EIF4E3: variants seen among roughly 807,000 people sequenced by gnomAD.
EIF4E3 encodes eukaryotic translation initiation factor 4E type 3.
In EIF4E3, 26 loss-of-function variants were observed where a neutral mutation model predicts 31.7. That is an observed-to-expected ratio of 0.82 (90% CI 0.60 to 1.14). EIF4E3 has a LOEUF of 1.14. Ranked by LOEUF, EIF4E3 falls within the 50% of genes most tolerant of loss-of-function variation. EIF4E3 has a pLI of 0.00. For missense variants in EIF4E3, 304 were observed against 270.9 expected (o/e 1.12, Z -0.86); for synonymous variants, 128 against 107.7 (o/e 1.19, Z -1.17).
chr3:71,754,421 C>A, upstream of EIF4E3: 1 of 1,351,552 alleles, frequency 7.4e-7, no homozygotes, highest in Non-Finnish European at 9.6e-7. This position sits in a 1 kb window ranked among gnomAD's most constrained non-coding sequence, Gnocchi z 5.8. Flanking sequence ...ACCTGGCCAT[C>A]GCGCACCACC....
chr3:71,683,723 A>G lies in EIF4E3; in HGVS notation c.*959T>C, dbSNP rs2048952733. On this transcript the variant is annotated 3_prime_UTR_variant, in exon 7 of 7. Transcript: ENST00000425534. ...CTACTGATGATGAGAAATGACACAC[A>G]ATGTGAGCAGGGAAAGGGATCATTT... 6.6e-6 allele frequency: 1 copy of G among 152,206 alleles called. No individual in the cohort carries two copies. The highest frequency in any genetic ancestry group is 6.6e-5 in the Admixed American group (1 of 15,266). The allele number at this position is 152,206 out of a possible 1,614,324, so 9.4% of individuals were successfully genotyped here. A position where few individuals can be genotyped will look rare whatever the true frequency, so the allele number is the denominator to read the frequency against.
At chr3:71,672,129 A>G (rs1034800244), downstream of EIF4E3, among the ~76,000 whole-genome samples, 1 of 152,192 alleles carries the variant, frequency 6.6e-6, no homozygotes, top group East Asian at 1.9e-4. Flanking sequence ...TAACAGGTAC[A>G]TAAATTCCCT....
At chr3:71,690,922 T>C (rs2049055205) in intron 5 of EIF4E3, among the ~76,000 whole-genome samples, 2 of 152,294 alleles carry the variant, frequency 1.3e-5, no homozygotes, top group African/African-American at 2.4e-5. Context: ...TTTATCCACA[T>C]TGATTAAGGT....
At chr3:71,662,158 A>C in the EIF4E3 span, among the ~76,000 whole-genome samples, 1 of 152,172 alleles carries the variant, frequency 6.6e-6, no homozygotes, top group Admixed American at 6.5e-5. Context: ...AAGGAAGGAG[A>C]TTACTTCATA....
chr3:71,741,192 G>GCACACACA (rs1284183116), intron 1 of EIF4E3, among the ~76,000 whole-genome samples: 7 of 125,850 alleles, frequency 5.6e-5, no homozygotes, highest in Admixed American at 1.5e-4. Flanking sequence ...GCACATGCAC[G>GCACACACA]CGCACACACA....
intron 6 of EIF4E3, among the ~76,000 whole-genome samples, chr3:71,686,022 C>T (rs904717559): frequency 3.3e-5 from 5 of 152,104 alleles, no homozygotes; most frequent in African/African-American, 9.7e-5. Flanking sequence ...TGCTCTGTCA[C>T]CCAGGTTGGA....
the EIF4E3 span, among the ~76,000 whole-genome samples, chr3:71,663,543 G>A: frequency 2.0e-5 from 3 of 152,306 alleles, no homozygotes; most frequent in South Asian, 6.2e-4. Context: ...TTTTCCAGGG[G>A]TGAAGATGGT....
chr3:71,725,157 CG>C lies in EIF4E3; in HGVS notation c.176+34del. The C allele has an allele frequency of 1.9e-6, 2 of 1,062,166 alleles. No homozygotes were observed. The highest frequency in any genetic ancestry group is 2.3e-6 in the Non-Finnish European group (2 of 882,434). 65.8% of individuals were successfully genotyped at this position (1,062,166 alleles called of 1,614,324 possible). ...GCGGCGGTGGCGGCAGGACCCGGGT[CG>C]GGGCCGTGCGCGGCGGGCCCCGCGC... On this transcript the variant is annotated intron_variant, in intron 1 of 6. Transcript: ENST00000425534. The surrounding 1 kb of genome is among the most constrained non-coding windows in gnomAD (Gnocchi z 6.1).
At chr3:71,723,958 G>C (rs2049589177) in intron 1 of EIF4E3, among the ~76,000 whole-genome samples, 1 of 151,582 alleles carries the variant, frequency 6.6e-6, no homozygotes, top group African/African-American at 2.4e-5. Flanking sequence ...GAACCCAAAA[G>C]GAAAAAAGAA....
chr3:71,690,196 A>T, intron 5 of EIF4E3, 31 bp from the exon 6 acceptor site: 1 of 1,581,830 alleles, frequency 6.3e-7, no homozygotes, highest in East Asian at 2.3e-5. Context: ...AAAAAAAATG[A>T]GTGATACTTC....
intron 2 of EIF4E3, among the ~76,000 whole-genome samples, chr3:71,701,640 AG>A (rs1412671583): frequency 6.6e-6 from 1 of 152,230 alleles, no homozygotes; most frequent in Non-Finnish European, 1.5e-5. Context: ...AATCAATCCT[AG>A]GGCTCATGAA....
At chr3:71,699,540 G>A (rs2049185596) in intron 3 of EIF4E3, 74 bp downstream of exon 3, 1 of 1,297,342 alleles carries the variant, frequency 7.7e-7, no homozygotes, top group Non-Finnish European at 1.1e-6. Context: ...CACATCTCAG[G>A]TGATATGATC....
At chr3:71,672,733 G>T (rs1158339604), downstream of EIF4E3, among the ~76,000 whole-genome samples, 2 of 152,146 alleles carry the variant, frequency 1.3e-5, no homozygotes, top group Non-Finnish European at 2.9e-5. Context: ...GTGCCGAATC[G>T]AACAAGTTCT....
intron 5 of EIF4E3, among the ~76,000 whole-genome samples, chr3:71,693,340 A>T (rs186059373): frequency 7.1e-4 from 108 of 152,332 alleles, no homozygotes; most frequent in African/African-American, 2.5e-3. Flanking sequence ...ATCACAGGAT[A>T]TAATGGTGAG....
At chr3:71,750,347 A>G (rs1208803615) in intron 1 of EIF4E3, among the ~76,000 whole-genome samples, 1 of 152,200 alleles carries the variant, frequency 6.6e-6, no homozygotes, top group African/African-American at 2.4e-5. Flanking sequence ...AGAATAAAAA[A>G]TATGAAGATT....
intron 5 of EIF4E3, among the ~76,000 whole-genome samples, chr3:71,692,273 G>C (rs1398467398): frequency 6.6e-6 from 1 of 152,230 alleles, no homozygotes; most frequent in African/African-American, 2.4e-5. Context: ...GGCCCAGAGA[G>C]ATTAGCTGAC....
downstream of EIF4E3, among the ~76,000 whole-genome samples, chr3:71,672,847 C>T (rs1009120831): frequency 6.6e-6 from 1 of 151,992 alleles, no homozygotes; most frequent in African/African-American, 2.4e-5. Flanking sequence ...TGGCTGGGGC[C>T]CTCTTTTGTT....
downstream of EIF4E3, among the ~76,000 whole-genome samples, chr3:71,673,350 T>C (rs979166726): frequency 6.6e-6 from 1 of 152,190 alleles, no homozygotes; most frequent in Non-Finnish European, 1.5e-5. Context: ...GGTATATACA[T>C]GAAGACACAG....
At chr3:71,684,826 AAATGTTGGCAAG>A in intron 6 of EIF4E3, 98 bp from the exon 7 acceptor site, 1 of 1,270,292 alleles carries the variant, frequency 7.9e-7, no homozygotes, top group East Asian at 2.5e-5. Flanking sequence ...CAGCTTCCCC[AAATGTTGGCAAG>A]AACTCAAACA....
Sources: gnomAD v4.1 joint callset for allele counts (sites outside exome capture counted in the v4.1 genomes callset) on GRCh38, gnomAD v4.1.1 for gene constraint, Gnocchi (gnomAD v3.1) non-coding constraint, MANE v1.5 for transcripts, NCBI Gene and HGNC (gene_info 2026-07-23, HGNC 2026-07-21) for gene names.